BIRC6: variants seen among roughly 807,000 people sequenced by gnomAD.
BIRC6 encodes the protein dual E2 ubiquitin-conjugating enzyme/E3 ubiquitin-protein ligase BIRC6.
Under a neutral mutation model 503.3 loss-of-function variants are expected in BIRC6, and 98 were observed. The observed-to-expected ratio is 0.19, with a 90% CI of 0.17 to 0.23. The LOEUF is 0.23. Ranked by LOEUF, BIRC6 falls within the 10% of genes least tolerant of loss-of-function variation. The pLI is 1.00. For synonymous variants in BIRC6, 2,240 were observed against 2,078.7 expected (o/e 1.08, Z -2.11); for missense variants, 5,360 against 5,806.0 (o/e 0.92, Z 2.50).
At chr2:32,605,044 G>C (rs1025841994) in intron 71 of BIRC6, among the ~76,000 whole-genome samples, 1 of 151,504 alleles carries the variant, frequency 6.6e-6, no homozygotes, top group African/African-American at 2.4e-5. Context: ...CACCACACCC[G>C]GCTAATTTTT....
chr2:32,524,976 G>A lies in BIRC6; in HGVS notation c.11712G>A (p.Ala3904=), dbSNP rs373938876. 17 of 1,566,382 alleles carry A rather than the reference G, an allele frequency of 1.1e-5. No individual in the cohort carries two copies. The highest frequency in any genetic ancestry group is 2.4e-5 in the South Asian group (2 of 81,716). ...ATGAAGAGAAAGAAAAAGTTAAAGC[G>A]GAAAATGGATTTCAAGACAATTACA... is the stretch of plus-strand genomic sequence containing the variant. ...KNHEEKEKVK[A]ENGFQDNYSV... is the part of the protein sequence containing the mutation. The change falls in exon 58 of 74, where the codon GCG becomes GCA. Residue 3904 remains alanine (A), a synonymous_variant. Coordinates refer to ENST00000421745, the MANE Select transcript of BIRC6 (RefSeq NM_016252.4).
intron 61 of BIRC6, among the ~76,000 whole-genome samples, chr2:32,531,909 A>G (rs914188054): frequency 1.3e-5 from 2 of 151,996 alleles, no homozygotes; most frequent in Admixed American, 1.3e-4. Context: ...ACTGCCACCA[A>G]TATATGTCTT....
At position 32,415,878 on chromosome 2, in the gene BIRC6, C is replaced by G. The variant is rs1558664364; in HGVS notation, c.2587C>G (p.Pro863Ala). Reference sequence around the variant, plus strand: ...CACAATTACCTCGCTCATTTTGCTTCCACCCGATATATTGGATAATCGAGA... The same window carrying G: ...CACAATTACCTCGCTCATTTTGCTTGCACCCGATATATTGGATAATCGAGA... The part of the protein sequence containing the change: ...QDTITSLILL[P>A]PDILDNREDD... Residue 863 changes from proline to alanine, a missense_variant, in exon 10 of 74, where the codon CCA becomes GCA. Physicochemically the swap from Pro to Ala is conservative, Grantham distance 27. Around this residue, in one of 16 missense-constraint regions of BIRC6, gnomAD observed 700 missense variants for 739.3 expected, o/e 0.95. Coordinates refer to ENST00000421745, the MANE Select transcript of BIRC6 (RefSeq NM_016252.4). 6.2e-7 allele frequency: 1 copy of G among 1,613,966 alleles called. No homozygotes were observed. Among genetic ancestry groups the G allele is most frequent in the Non-Finnish European group, 8.5e-7 (1 of 1,179,884 alleles).
rs2057813406 is a variant in BIRC6 at position 32,543,279 on chromosome 2, G to A, written c.12330G>A (p.Lys4110=). The part of the protein sequence containing the change: ...APVVTSTTQE[K]PKDSDQFEWV... Reference sequence around the variant, plus strand: ...TTGTAACATCTACCACTCAGGAAAAGCCGAAGGATAGCGATCAGTTTGAAT... The same window carrying A: ...TTGTAACATCTACCACTCAGGAAAAACCGAAGGATAGCGATCAGTTTGAAT... Residue 4110 remains lysine (K), a synonymous_variant, in exon 62 of 74, where the codon AAG becomes AAA. Transcript: ENST00000421745. 7 of 1,614,000 alleles carry A rather than the reference G, an allele frequency of 4.3e-6. No homozygotes were observed. The highest frequency in any genetic ancestry group is 5.9e-6 in the Non-Finnish European group (7 of 1,179,880).
chr2:32,467,621 A>G lies in BIRC6; in HGVS notation c.5453A>G (p.Asp1818Gly), dbSNP rs767706641. Residue 1818 changes from aspartate to glycine, a missense_variant, in exon 27 of 74, where the codon GAC (aspartate) becomes GGC (glycine). Asp to Gly is a moderately conservative substitution (Grantham distance 94). Coordinates refer to ENST00000421745, the MANE Select transcript of BIRC6 (RefSeq NM_016252.4). ...TCGDLASLSI[D>G]IWTLGEEVDG... ...GGAGACTTGGCCTCTTTGTCAATTG[A>G]CATTTGGACATTAGGAGAAGAGGTG... The G allele has an allele frequency of 6.2e-7, 1 of 1,613,916 alleles. No homozygotes were observed. Among genetic ancestry groups the G allele is most frequent in the Admixed American group, 1.7e-5 (1 of 60,020 alleles).
At chr2:32,380,850 T>G (rs1254765362) in intron 3 of BIRC6, among the ~76,000 whole-genome samples, 1 of 152,246 alleles carries the variant, frequency 6.6e-6, no homozygotes, top group Non-Finnish European at 1.5e-5. Flanking sequence ...TAGTGCCTGA[T>G]GGACCTGGAT....
intron 42 of BIRC6, among the ~76,000 whole-genome samples, 173 bp from the exon 43 acceptor site, chr2:32,489,868 A>C (rs1285614050): frequency 1.3e-5 from 2 of 152,160 alleles, no homozygotes; most frequent in African/African-American, 2.4e-5. Context: ...ACTGATTCTT[A>C]ATGCGTTAGT....
chr2:32,385,099 A>G (rs573303668), intron 3 of BIRC6, among the ~76,000 whole-genome samples: 82 of 152,326 alleles, frequency 5.4e-4, no homozygotes, highest in Admixed American at 4.4e-3. Flanking sequence ...CTGAAGTTCT[A>G]TCTATTGAGA....
At chr2:32,488,088 C>T (rs1486841449) in intron 41 of BIRC6, among the ~76,000 whole-genome samples, 2 of 151,906 alleles carry the variant, frequency 1.3e-5, no homozygotes, top group East Asian at 3.9e-4. Context: ...AGTTTGTAGT[C>T]CTAGCTACTC....
At chr2:32,495,136 C>T (rs935105587) in intron 45 of BIRC6, among the ~76,000 whole-genome samples, 10 of 152,110 alleles carry the variant, frequency 6.6e-5, no homozygotes, top group African/African-American at 2.4e-4. Context: ...TAGCATAATC[C>T]GATCCACAGA....
intron 65 of BIRC6, among the ~76,000 whole-genome samples, chr2:32,561,787 T>C (rs547768654): frequency 7.3e-5 from 11 of 150,976 alleles, no homozygotes; most frequent in Non-Finnish European, 8.9e-5. Context: ...CTCACGCCTA[T>C]AATCCCAGCG....
intron 9 of BIRC6, among the ~76,000 whole-genome samples, chr2:32,411,808 G>A (rs190872126): frequency 6.6e-6 from 1 of 152,206 alleles, no homozygotes; most frequent in Non-Finnish European, 1.5e-5. Flanking sequence ...TGGTATTATT[G>A]CTAATGATGT....
rs1231602148 is a variant in BIRC6 at position 32,499,687 on chromosome 2, A to G, written c.8609A>G (p.Tyr2870Cys). Residue 2870 changes from tyrosine to cysteine, a missense_variant, in exon 46 of 74, where the codon TAT becomes TGT. Tyr to Cys is a radical substitution (Grantham distance 194, BLOSUM62 -2). Coordinates refer to ENST00000421745, the MANE Select transcript of BIRC6 (RefSeq NM_016252.4). ...TCGGTTACATTTTTAGTGCACCACT[A>G]TATCACTTGCTCAGACAAAGTAATG... ...IESVTFLVHH[Y>C]ITCSDKVMSR... 13 of 1,613,912 alleles carry G rather than the reference A, an allele frequency of 8.1e-6. No homozygotes were observed. The highest frequency in any genetic ancestry group is 4.5e-5 in the East Asian group (2 of 44,898).
intron 65 of BIRC6, among the ~76,000 whole-genome samples, chr2:32,569,632 A>T (rs1245486804): frequency 6.6e-6 from 1 of 151,518 alleles, no homozygotes; most frequent in African/African-American, 2.4e-5. Flanking sequence ...TGGACCTCCC[A>T]AAGTGCTGTG....
At chr2:32,411,226 C>T (rs1477987186) in intron 9 of BIRC6, among the ~76,000 whole-genome samples, 1 of 150,836 alleles carries the variant, frequency 6.6e-6, no homozygotes, top group Non-Finnish European at 1.5e-5. Flanking sequence ...TTAGTAGAGA[C>T]GGGAGTTTCA....
intron 72 of BIRC6, among the ~76,000 whole-genome samples, chr2:32,610,323 T>TA (rs1433249161): frequency 2.6e-5 from 4 of 152,250 alleles, no homozygotes; most frequent in Non-Finnish European, 4.4e-5. Context: ...AATAGACTCT[T>TA]ACTACTATAT....
chr2:32,509,573 A>C (rs1320879185), intron 51 of BIRC6, 165 bp from the exon 52 acceptor site: 13 of 765,464 alleles, frequency 1.7e-5, no homozygotes, highest in Non-Finnish European at 4.1e-6. Context: ...TTATAGGGGA[A>C]ACTTACTGTC....
At chr2:32,456,134 C>G (rs923063201) in intron 23 of BIRC6, among the ~76,000 whole-genome samples, 1 of 152,136 alleles carries the variant, frequency 6.6e-6, no homozygotes, top group African/African-American at 2.4e-5. Flanking sequence ...TTATTTCTTC[C>G]TCATTTTCTC....
chr2:32,371,238 A>T (rs1438827720), intron 1 of BIRC6, among the ~76,000 whole-genome samples: 1 of 151,216 alleles, frequency 6.6e-6, no homozygotes, highest in African/African-American at 2.4e-5. Flanking sequence ...AAAAAAAAAA[A>T]AAGGAAATTT....
Sources: gnomAD v4.1 joint callset for allele counts (sites outside exome capture counted in the v4.1 genomes callset) on GRCh38, gnomAD v4.1.1 for gene constraint, gnomAD v4.1.1 regional missense constraint, MANE v1.5 for transcripts, NCBI Gene and HGNC (gene_info 2026-07-23, HGNC 2026-07-21) for gene names.